The following BCL2L11 variants were observed in gnomAD, a reference collection of about 807,000 sequenced individuals.
BCL2L11 encodes BCL2 like 11.
A neutral mutation model predicts 20.6 loss-of-function variants in BCL2L11; 15 were observed. The ratio of observed to expected loss-of-function variants is 0.73; its 90% CI spans 0.49 to 1.12. BCL2L11 has a LOEUF of 1.12. BCL2L11 is among the 50% of genes most tolerant of loss of function. The pLI is 0.00. For missense variants in BCL2L11, 292 were observed against 260.9 expected (o/e 1.12, Z -0.82); for synonymous variants, 108 against 92.8 (o/e 1.16, Z -0.94).
chr2:111,163,861 C>CTTTTTTTTT (rs10547953), intron 3 of BCL2L11, among the ~76,000 whole-genome samples: 4 of 104,702 alleles, frequency 3.8e-5, no homozygotes, highest in African/African-American at 1.1e-4. Context: ...TTTTTGAGTG[C>CTTTTTTTTT]TTTTTTTTTT....
chr2:111,142,655 C>G (rs1303838073), intron 2 of BCL2L11, among the ~76,000 whole-genome samples: 1 of 152,034 alleles, frequency 6.6e-6, no homozygotes, highest in Non-Finnish European at 1.5e-5. Flanking sequence ...TTACCTGTGT[C>G]TTGGTCTTTC....
At chr2:111,126,633 A>C (rs2072683975) in intron 2 of BCL2L11, among the ~76,000 whole-genome samples, 1 of 152,172 alleles carries the variant, frequency 6.6e-6, no homozygotes, top group South Asian at 2.1e-4. Context: ...GACATTCTAC[A>C]GTCTTAGTTC....
At chr2:111,123,180 G>GGCCGA in intron 1 of BCL2L11, 1 of 985,464 alleles carries the variant, frequency 1.0e-6, no homozygotes, top group Non-Finnish European at 1.2e-6. Flanking sequence ...GCCAGAGCCG[G>GGCCGA]GCCGAGCCGC....
At position 111,123,933 on chromosome 2, in the gene BCL2L11, C is replaced by G. The variant is rs376019476; in HGVS notation, c.188C>G (p.Pro63Arg). 6.2e-6 allele frequency: 10 copies of G among 1,614,000 alleles called. No homozygotes were observed. In the African/African-American group the frequency reaches 1.3e-4, roughly 22 times the overall value. The stretch of plus-strand genomic sequence containing the variant: ...TGCCCCCACGGCAGCCCTCAGGGCC[C>G]GCTGGCCCCACCTGCCAGCCCTGGC... ...DSCPHGSPQGPLAPPASPGPF... is the reference protein window; with the variant it reads ...DSCPHGSPQGRLAPPASPGPF... The change falls in exon 2 of 4, where the codon CCG becomes CGG. Residue 63 changes from proline to arginine, a missense_variant. Transcript: ENST00000393256.
intron 2 of BCL2L11, chr2:111,146,142 A>T: frequency 1.0e-6 from 1 of 985,272 alleles, no homozygotes; most frequent in Non-Finnish European, 1.2e-6. Flanking sequence ...AAATGCTGAA[A>T]CTACATTTTC....
intron 2 of BCL2L11, chr2:111,130,230 AAGT>A (rs1280592029): frequency 3.4e-6 from 1 of 294,376 alleles, no homozygotes; most frequent in Non-Finnish European, 6.7e-6. Context: ...TCAGCCTCCC[AAGT>A]AGCTGGGATT....
chr2:111,122,787 C>T, intron 1 of BCL2L11: 2 of 985,232 alleles, frequency 2.0e-6, no homozygotes, highest in Non-Finnish European at 2.4e-6. Context: ...GACTCTGAAC[C>T]CGAGTCCCGG....
At chr2:111,155,888 A>G (rs887287912) in intron 3 of BCL2L11, among the ~76,000 whole-genome samples, 2 of 152,242 alleles carry the variant, frequency 1.3e-5, no homozygotes, top group African/African-American at 4.8e-5. Context: ...GTAGACCAAA[A>G]TCTAGCCCTG....
At chr2:111,144,588 C>T in intron 2 of BCL2L11, 1 of 1,466,676 alleles carries the variant, frequency 6.8e-7, no homozygotes, top group Non-Finnish European at 9.3e-7. Context: ...CTTTGGATAA[C>T]TCTGAATTTA....
At chr2:111,129,761 C>T (rs2073512091) in intron 2 of BCL2L11, among the ~76,000 whole-genome samples, 1 of 152,204 alleles carries the variant, frequency 6.6e-6, no homozygotes, top group Non-Finnish European at 1.5e-5. Context: ...CTTTTTATAG[C>T]CACAGCCACC....
intron 2 of BCL2L11, among the ~76,000 whole-genome samples, chr2:111,147,346 T>TCTCTCTCTCTCACA (rs760779894): frequency 8.0e-5 from 11 of 137,412 alleles, no homozygotes; most frequent in South Asian, 2.4e-4. Flanking sequence ...TCTCTCTCTC[T>TCTCTCTCTCTCACA]CACACACACA....
At chr2:111,148,867 CACTTTTAAGTGTTTTTATAG>C (rs1040085287) in intron 2 of BCL2L11, among the ~76,000 whole-genome samples, 4 of 152,188 alleles carry the variant, frequency 2.6e-5, no homozygotes, top group African/African-American at 4.8e-5. Flanking sequence ...TCAAAGTGTT[CACTTTTAAGTGTTTTTATAG>C]AGCTCTGAAT....
chr2:111,139,740 G>A (rs1380824830), intron 2 of BCL2L11, among the ~76,000 whole-genome samples: 10 of 152,196 alleles, frequency 6.6e-5, no homozygotes, highest in African/African-American at 1.7e-4. Context: ...CCAGGCCTTC[G>A]TGGTTTTAAG....
At chr2:111,131,362 C>T (rs2150324835) in intron 2 of BCL2L11, 1 of 151,854 alleles carries the variant, frequency 6.6e-6, no homozygotes, top group Middle Eastern at 3.4e-3. Flanking sequence ...AGAATTGGTC[C>T]CTTTCTTCTA....
At chr2:111,149,947 G>T (rs1168766218) in intron 2 of BCL2L11, 97 bp from the exon 3 acceptor site, 1 of 963,304 alleles carries the variant, frequency 1.0e-6, no homozygotes. Context: ...GTGAAAGAGT[G>T]TGTGAGATGG....
At chr2:111,135,544 T>TG (rs143202015) in intron 2 of BCL2L11, among the ~76,000 whole-genome samples, 1,602 of 151,574 alleles carry the variant, frequency 0.011, 35 homozygotes, top group African/African-American at 0.036. Context: ...CCACCAGGGG[T>TG]GGGGGGGTCA....
chr2:111,154,023 G>T (rs994273659), intron 3 of BCL2L11: 7 of 1,128,082 alleles, frequency 6.2e-6, no homozygotes, highest in Non-Finnish European at 6.9e-6. Context: ...TACTACTCCA[G>T]TGGATTTTGG....
At chr2:111,160,679 G>A (rs981938032) in intron 3 of BCL2L11, among the ~76,000 whole-genome samples, 2 of 152,200 alleles carry the variant, frequency 1.3e-5, no homozygotes, top group South Asian at 4.1e-4. Flanking sequence ...GTGTGTCTGC[G>A]TAGAGAAAGT....
intron 2 of BCL2L11, among the ~76,000 whole-genome samples, chr2:111,145,747 A>C (rs1372021585): frequency 6.6e-6 from 1 of 152,172 alleles, no homozygotes; most frequent in Admixed American, 6.6e-5. Context: ...ACACTCCTCC[A>C]AAAATGGATT....
Sources: gnomAD v4.1 joint callset for allele counts (sites outside exome capture counted in the v4.1 genomes callset) on GRCh38, gnomAD v4.1.1 for gene constraint, MANE v1.5 for transcripts, NCBI Gene and HGNC (gene_info 2026-07-23, HGNC 2026-07-21) for gene names.